The following KCNAB1 variants were observed in gnomAD, a reference collection of about 807,000 sequenced individuals.
The protein encoded by KCNAB1 is potassium voltage-gated channel subfamily A regulatory beta subunit 1.
Under a neutral mutation model 64.6 loss-of-function variants are expected in KCNAB1, and 35 were observed. The ratio of observed to expected loss-of-function variants is 0.54; its 90% confidence interval spans 0.41 to 0.72. The LOEUF (loss-of-function observed/expected upper bound fraction) is 0.72, where lower values mean the gene tolerates loss of function less well. Ranked by LOEUF, KCNAB1 falls within the 30% of genes least tolerant of loss-of-function variation. The pLI is 0.00. For synonymous variants in KCNAB1, 177 were observed against 183.8 expected, an observed-to-expected ratio of 0.96 and a Z score of 0.30; for missense variants, 401 against 512.9, an observed-to-expected ratio of 0.78 and a Z score of 2.11.
intron 1 of KCNAB1, among the ~76,000 whole-genome samples, chr3:156,352,180 C>A (rs899481187): frequency 7.9e-5 from 12 of 152,224 alleles, no homozygotes; most frequent in African/African-American, 2.7e-4. Context: ...CCCTAGAGTA[C>A]CTGCCAACAA....
In KCNAB1 at chr3:156,227,503, G is replaced by A. The variant is rs149885729; in HGVS notation, c.275+106617G>A. On this transcript the variant is annotated intron_variant, in intron 1 of 13. Coordinates refer to ENST00000490337, the MANE Select transcript of KCNAB1 (RefSeq NM_172160.3). ...ATGATAGTCTGAATCTAGTGTGTGT[G>A]TACTATTTTTATATGCAAATTAGTA... Among the ~76,000 whole-genome samples, 7 of 152,226 alleles carry A rather than the reference G, an allele frequency of 4.6e-5. No individual in the cohort carries two copies. The East Asian group carries it at 1.3e-3, about 29-fold the overall frequency.
At chr3:156,357,667 T>A (rs1054083820) in intron 1 of KCNAB1, among the ~76,000 whole-genome samples, 8 of 152,038 alleles carry the variant, frequency 5.3e-5, no homozygotes, top group Admixed American at 5.2e-4. Context: ...ACAGGTGAAA[T>A]TAATTTTAAT....
chr3:156,304,386 C>A (rs1721350752), intron 1 of KCNAB1, among the ~76,000 whole-genome samples: 1 of 152,042 alleles, frequency 6.6e-6, no homozygotes, highest in Non-Finnish European at 1.5e-5. Flanking sequence ...GATGTTATGC[C>A]CATTTTAAGT....
chr3:156,259,269 C>G (rs1338067630), intron 1 of KCNAB1, among the ~76,000 whole-genome samples: 1 of 152,184 alleles, frequency 6.6e-6, no homozygotes, highest in Non-Finnish European at 1.5e-5. Context: ...TCCTGACTCT[C>G]AAGGAGACTT....
At chr3:156,218,603 C>T (rs1394779292) in intron 1 of KCNAB1, among the ~76,000 whole-genome samples, 1 of 151,852 alleles carries the variant, frequency 6.6e-6, no homozygotes, top group Non-Finnish European at 1.5e-5. Flanking sequence ...GCACACTAAA[C>T]AAATACACAA....
intron 1 of KCNAB1, among the ~76,000 whole-genome samples, chr3:156,282,522 G>C (rs957717024): frequency 6.6e-6 from 1 of 150,736 alleles, no homozygotes; most frequent in East Asian, 1.9e-4. Context: ...GGGTATCCTT[G>C]TTGACTTTCT....
chr3:156,299,716 A>ATT (rs563997671), intron 1 of KCNAB1, among the ~76,000 whole-genome samples: 41 of 150,958 alleles, frequency 2.7e-4, no homozygotes, highest in African/African-American at 9.7e-4. Context: ...CCCAGCAGTG[A>ATT]TTTTTTTTTT....
chr3:156,422,897 GA>G (rs1050408669), intron 2 of KCNAB1, among the ~76,000 whole-genome samples: 2 of 150,712 alleles, frequency 1.3e-5, no homozygotes, highest in South Asian at 2.1e-4. Flanking sequence ...AGAAAAATCA[GA>G]AAAAAAAATG....
chr3:156,428,260 TC>T (rs1715961237), intron 2 of KCNAB1, among the ~76,000 whole-genome samples: 1 of 152,160 alleles, frequency 6.6e-6, no homozygotes, highest in Non-Finnish European at 1.5e-5. Context: ...ATACTTGCCC[TC>T]CTGTGAATAA....
intron 1 of KCNAB1, among the ~76,000 whole-genome samples, chr3:156,370,109 A>G (rs1451302994): frequency 6.6e-6 from 1 of 152,184 alleles, no homozygotes; most frequent in Non-Finnish European, 1.5e-5. Context: ...ATAGGTCTAA[A>G]ATTCTCCCTC....
rs117490355 is a variant in KCNAB1 at position 156,522,223 on chromosome 3, T to C, written c.961-1604T>C. On this transcript the variant is annotated intron_variant, in intron 11 of 13. Transcript: ENST00000490337. ...TTCAAAAAGCAGTTGGCTATTAGTT[T>C]TCAATCTTTGTTAGTCGGTTTGAAT... 3.4e-4 allele frequency among the ~76,000 whole-genome samples: 51 copies of C among 151,966 alleles called. No homozygotes were observed. In the East Asian group the frequency reaches 7.9e-3, roughly 24 times the overall value.
intron 1 of KCNAB1, among the ~76,000 whole-genome samples, chr3:156,365,513 C>T (rs917911117): frequency 2.6e-5 from 4 of 152,176 alleles, no homozygotes; most frequent in African/African-American, 9.7e-5. Context: ...GTTGCACCCC[C>T]TTTCCAGTGT....
At chr3:156,501,240 G>A (rs1716380642) in intron 8 of KCNAB1, among the ~76,000 whole-genome samples, 1 of 152,022 alleles carries the variant, frequency 6.6e-6, no homozygotes, top group Non-Finnish European at 1.5e-5. Context: ...GCCTGCACAG[G>A]CAAGAAGAAA....
intron 12 of KCNAB1, among the ~76,000 whole-genome samples, chr3:156,525,573 T>A (rs995460227): frequency 1.3e-5 from 2 of 152,260 alleles, no homozygotes; most frequent in African/African-American, 2.4e-5. Context: ...TGGAGTGCAG[T>A]GGCGCGATCT....
At position 156,162,112 on chromosome 3, in the gene KCNAB1, A is replaced by C. The variant is rs192039077; in HGVS notation, c.275+41226A>C. Among the ~76,000 whole-genome samples, 153 of 152,314 alleles carry C rather than the reference A, an allele frequency of 1.0e-3. 1 individual carries two copies. Among genetic ancestry groups the C allele is most frequent in the Non-Finnish European group, 1.6e-3 (112 of 68,022 alleles). On this transcript the variant is annotated intron_variant, in intron 1 of 13. Coordinates refer to ENST00000490337, the MANE Select transcript of KCNAB1 (RefSeq NM_172160.3). ...TAGAACACTGTGCGTGGGATGCCTGATTTTTAGGATTGGGCACATAACAGC... is the reference window on the plus strand; with the variant it reads ...TAGAACACTGTGCGTGGGATGCCTGCTTTTTAGGATTGGGCACATAACAGC...
intron 1 of KCNAB1, among the ~76,000 whole-genome samples, chr3:156,381,235 G>A (rs562444228): frequency 6.6e-5 from 10 of 152,140 alleles, no homozygotes; most frequent in Non-Finnish European, 1.3e-4. Flanking sequence ...GCAGATAGGT[G>A]GTGATATCTG....
chr3:156,205,995 C>T lies in KCNAB1; in HGVS notation c.275+85109C>T, dbSNP rs116282960. ...ATGCTGTTTTGTTTGCCGGGATCAC[C>T]TTTGCCCCTTTACTACATTACTGTG... is the stretch of plus-strand genomic sequence containing the variant. On this transcript the variant is annotated intron_variant, in intron 1 of 13. Transcript: ENST00000490337. Among the ~76,000 whole-genome samples, 1,520 of 152,296 alleles carry T rather than the reference C, an allele frequency of 1.0e-2. 25 individuals carry two copies. The highest frequency in any genetic ancestry group is 0.035 in the African/African-American group (1,451 of 41,552).
At chr3:156,351,489 C>A (rs1576760178) in intron 1 of KCNAB1, among the ~76,000 whole-genome samples, 1 of 152,228 alleles carries the variant, frequency 6.6e-6, no homozygotes, top group African/African-American at 2.4e-5. Context: ...TGCTTACTAT[C>A]CAGTTGTTCA....
intron 1 of KCNAB1, among the ~76,000 whole-genome samples, chr3:156,135,738 C>T (rs1396920493): frequency 1.3e-5 from 2 of 152,302 alleles, no homozygotes; most frequent in Non-Finnish European, 2.9e-5. Context: ...ATTCTGCACC[C>T]CAGCCTCCAA....
Sources: allele counts gnomAD v4.1 joint callset (sites outside exome capture counted in the v4.1 genomes callset), GRCh38; gene constraint gnomAD v4.1.1; transcripts MANE v1.5; gene names NCBI Gene and HGNC (gene_info 2026-07-23, HGNC 2026-07-21).